THSD4: variants seen among roughly 807,000 people sequenced by gnomAD.
The protein encoded by THSD4 is thrombospondin type-1 domain-containing protein 4.
THSD4 carries 69 observed loss-of-function variants against 119.0 expected under a neutral mutation model. That is an observed-to-expected ratio of 0.58 (90% CI 0.48 to 0.71). The LOEUF (loss-of-function observed/expected upper bound fraction) is 0.71. Ranked by LOEUF, THSD4 falls within the 30% of genes least tolerant of loss-of-function variation. The pLI, the probability that THSD4 is intolerant of heterozygous loss-of-function variation, is 0.00. For synonymous variants in THSD4, 524 were observed against 540.4 expected, an observed-to-expected ratio of 0.97 and a Z score of 0.42; for missense variants, 1,393 against 1,391.1, an observed-to-expected ratio of 1.00 and a Z score of -0.02.
intron 7 of THSD4, among the ~76,000 whole-genome samples, chr15:71,480,978 A>G (rs2047722139): frequency 6.6e-6 from 1 of 152,228 alleles, no homozygotes. Context: ...AATTTGGTCC[A>G]ATGTCAAATA....
intron 6 of THSD4, among the ~76,000 whole-genome samples, chr15:71,292,042 T>C (rs1364609746): frequency 6.6e-6 from 1 of 152,240 alleles, no homozygotes; most frequent in Non-Finnish European, 1.5e-5. Context: ...ATATCTAAAA[T>C]GTGTTGATTG....
At position 71,614,330 on chromosome 15, in the gene THSD4, A is replaced by G. The variant is rs538534946; in HGVS notation, c.1153-46200A>G. Among the ~76,000 whole-genome samples, 4 of 152,222 alleles carry G rather than the reference A, an allele frequency of 2.6e-5. No homozygotes were observed. The South Asian group carries it at 8.3e-4, about 32-fold the overall frequency. ...TAGAAGTTGCCTAATTACCAAAACC[A>G]ATTGTCATTTTCGCCTGCTTTTTCC... On this transcript the variant is annotated intron_variant, in intron 7 of 17. Coordinates refer to ENST00000261862, the MANE Select transcript of THSD4 (RefSeq NM_024817.3).
intron 6 of THSD4, among the ~76,000 whole-genome samples, chr15:71,369,596 G>A (rs528962560): frequency 3.3e-5 from 5 of 152,268 alleles, no homozygotes; most frequent in African/African-American, 1.2e-4. Flanking sequence ...ATTGATTTGT[G>A]TATGTTGAAC....
chr15:71,608,718 A>G (rs1416698493), intron 7 of THSD4, among the ~76,000 whole-genome samples: 2 of 152,144 alleles, frequency 1.3e-5, no homozygotes, highest in African/African-American at 4.8e-5. Context: ...AGTCCTTCTA[A>G]TCTCTGTTTC....
intron 1 of THSD4, among the ~76,000 whole-genome samples, chr15:71,125,171 G>A (rs774751338): frequency 1.3e-5 from 2 of 151,940 alleles, no homozygotes; most frequent in Non-Finnish European, 2.9e-5. Flanking sequence ...GAAAAGAGAA[G>A]AAAAGAAAAA....
chr15:71,511,922 T>C (rs2048289563), intron 7 of THSD4, among the ~76,000 whole-genome samples: 1 of 152,228 alleles, frequency 6.6e-6, no homozygotes, highest in Admixed American at 6.5e-5. Context: ...AAAGGATCTT[T>C]ATTGGCAACC....
At chr15:71,492,511 C>T (rs111855681) in intron 7 of THSD4, among the ~76,000 whole-genome samples, 6,416 of 151,920 alleles carry the variant, frequency 0.042, 228 homozygotes, top group African/African-American at 0.099. Flanking sequence ...GGTCTTGAAC[C>T]CCTAACCTCA....
chr15:71,131,201 G>C (rs972108177), intron 1 of THSD4, among the ~76,000 whole-genome samples: 1 of 152,094 alleles, frequency 6.6e-6, no homozygotes, highest in Non-Finnish European at 1.5e-5. Context: ...GAATTGCCCA[G>C]TTTTTGTGTG....
At chr15:71,611,848 A>G (rs1478801155) in intron 7 of THSD4, among the ~76,000 whole-genome samples, 3 of 150,382 alleles carry the variant, frequency 2.0e-5, no homozygotes, top group Non-Finnish European at 4.4e-5. Context: ...ATATTCTGAA[A>G]TGCCTGGATC....
chr15:71,259,122 A>AT (rs2044359193), intron 6 of THSD4, among the ~76,000 whole-genome samples: 1 of 151,720 alleles, frequency 6.6e-6, no homozygotes, highest in Non-Finnish European at 1.5e-5. Flanking sequence ...TCAAAAAAAA[A>AT]CAAAAAACAA....
intron 6 of THSD4, among the ~76,000 whole-genome samples, chr15:71,270,050 TATCCCCATCAAGCTACCACTGAC>T (rs1302087544): frequency 1.3e-5 from 2 of 152,128 alleles, no homozygotes; most frequent in East Asian, 3.8e-4. Context: ...GATTCAATGC[TATCCCCATCAAGCTACCACTGAC>T]TTTCTTCACA....
At chr15:71,452,170 C>A (rs960892407) in intron 7 of THSD4, among the ~76,000 whole-genome samples, 1 of 152,192 alleles carries the variant, frequency 6.6e-6, no homozygotes, top group African/African-American at 2.4e-5. Flanking sequence ...GGCTTTGTGG[C>A]TGCTGTGCCA....
chr15:71,684,312 T>G (rs2051860814), intron 8 of THSD4, among the ~76,000 whole-genome samples: 1 of 152,146 alleles, frequency 6.6e-6, no homozygotes, highest in Non-Finnish European at 1.5e-5. Flanking sequence ...TCATACCATA[T>G]AGAAATAATT....
intron 3 of THSD4, among the ~76,000 whole-genome samples, chr15:71,160,164 GAATCC>G (rs1268005005): frequency 1.3e-5 from 2 of 152,044 alleles, no homozygotes; most frequent in Non-Finnish European, 2.9e-5. Context: ...TCCCTGGGAT[GAATCC>G]CACTTGATAT....
chr15:71,716,861 G>A (rs866032163), intron 8 of THSD4, among the ~76,000 whole-genome samples: 13 of 152,078 alleles, frequency 8.5e-5, no homozygotes, highest in African/African-American at 2.7e-4. Flanking sequence ...CTTTCCTCAT[G>A]TAGAATCCTA....
chr15:71,584,262 C>CTGTTTT (rs2049617840), intron 7 of THSD4, among the ~76,000 whole-genome samples: 1 of 61,802 alleles, frequency 1.6e-5, no homozygotes, highest in Admixed American at 2.4e-4. Flanking sequence ...TTTTCACTTT[C>CTGTTTT]TTTTTTTTTT....
At chr15:71,730,813 A>G in intron 9 of THSD4, 1 of 353,302 alleles carries the variant, frequency 2.8e-6, no homozygotes, top group Non-Finnish European at 5.4e-6. Context: ...AGCACTGAGC[A>G]AAATCTAAGG....
At chr15:71,302,488 T>G (rs2044964925) in intron 6 of THSD4, among the ~76,000 whole-genome samples, 1 of 152,090 alleles carries the variant, frequency 6.6e-6, no homozygotes, top group Admixed American at 6.5e-5. Flanking sequence ...CATTTCTGCC[T>G]TGATGCATGA....
intron 6 of THSD4, among the ~76,000 whole-genome samples, chr15:71,382,885 T>C (rs903575270): frequency 6.6e-6 from 1 of 152,228 alleles, no homozygotes; most frequent in African/African-American, 2.4e-5. Flanking sequence ...GTCCAGCAAT[T>C]AATGTTCCAG....
Sources: allele counts gnomAD v4.1 joint callset (sites outside exome capture counted in the v4.1 genomes callset), GRCh38; gene constraint gnomAD v4.1.1; transcripts MANE v1.5; gene names NCBI Gene and HGNC (gene_info 2026-07-23, HGNC 2026-07-21).